The following ATP10D variants were observed in gnomAD, a reference collection of about 807,000 sequenced individuals.
The protein encoded by ATP10D is phospholipid-transporting ATPase VD.
A neutral mutation model predicts 144.8 loss-of-function variants in ATP10D; 89 were observed. That is an observed-to-expected ratio of 0.61 (90% CI 0.52 to 0.73). ATP10D has a LOEUF of 0.73. Ranked by LOEUF, ATP10D falls within the 30% of genes least tolerant of loss-of-function variation. The pLI, the probability that ATP10D is intolerant of heterozygous loss-of-function variation, is 0.00. For synonymous variants in ATP10D, 571 were observed against 615.1 expected, an observed-to-expected ratio of 0.93 and a Z score of 1.06; for missense variants, 1,603 against 1,714.8, an observed-to-expected ratio of 0.93 and a Z score of 1.15.
chr4:47,488,898 A>T (rs1392655815), intron 1 of ATP10D, among the ~76,000 whole-genome samples: 1 of 152,226 alleles, frequency 6.6e-6, no homozygotes, highest in Non-Finnish European at 1.5e-5. Flanking sequence ...GGGAGGATGC[A>T]GTGAGAAGGT....
chr4:47,505,544 T>C (rs1341064383), intron 1 of ATP10D, among the ~76,000 whole-genome samples: 1 of 152,020 alleles, frequency 6.6e-6, no homozygotes, highest in Non-Finnish European at 1.5e-5. Flanking sequence ...GCCAACATGG[T>C]GAAACCCCAT....
chr4:47,562,952 G>C (rs939507155), intron 14 of ATP10D, among the ~76,000 whole-genome samples: 1 of 152,138 alleles, frequency 6.6e-6, no homozygotes, highest in Non-Finnish European at 1.5e-5. Flanking sequence ...ATTATCTTAA[G>C]TGAAATAACC....
chr4:47,486,397 G>T (rs1714759564), intron 1 of ATP10D, among the ~76,000 whole-genome samples: 2 of 152,348 alleles, frequency 1.3e-5, no homozygotes, highest in African/African-American at 4.8e-5. Flanking sequence ...AGAAAAACAA[G>T]TCTGTATGGA....
intron 5 of ATP10D, among the ~76,000 whole-genome samples, chr4:47,526,669 T>A (rs1253611443): frequency 1.3e-5 from 2 of 152,198 alleles, no homozygotes; most frequent in Non-Finnish European, 2.9e-5. Context: ...AGTTTAGCAA[T>A]GTTGTAGAAA....
intron 3 of ATP10D, among the ~76,000 whole-genome samples, chr4:47,519,662 T>A (rs1716848614): frequency 6.6e-6 from 1 of 152,226 alleles, no homozygotes; most frequent in African/African-American, 2.4e-5. Flanking sequence ...CTGGGACTGA[T>A]GTGCTGTCTC....
At chr4:47,496,959 A>G (rs1056344673) in intron 1 of ATP10D, among the ~76,000 whole-genome samples, 2 of 152,126 alleles carry the variant, frequency 1.3e-5, no homozygotes, top group Non-Finnish European at 2.9e-5. Flanking sequence ...CTCATGCCTC[A>G]GCCTCCTGAG....
intron 15 of ATP10D, among the ~76,000 whole-genome samples, chr4:47,565,206 C>T (rs1468365159): frequency 6.6e-6 from 1 of 152,118 alleles, no homozygotes; most frequent in African/African-American, 2.4e-5. Context: ...GTGATCCGCC[C>T]GCCTCGGCCT....
intron 1 of ATP10D, among the ~76,000 whole-genome samples, chr4:47,487,399 C>T (rs1714829967): frequency 6.6e-6 from 1 of 152,050 alleles, no homozygotes; most frequent in South Asian, 2.1e-4. Context: ...AAAAAATGTA[C>T]ACATATTCAA....
chr4:47,536,889 T>G lies in ATP10D; in HGVS notation c.1347T>G (p.Val449=). The G allele has an allele frequency of 6.2e-7, 1 of 1,613,048 alleles. No homozygotes were observed. Among genetic ancestry groups the G allele is most frequent in the Non-Finnish European group, 8.5e-7 (1 of 1,179,584 alleles). The change falls in exon 9 of 23, where the codon GTT becomes GTG. Residue 449 remains valine, a synonymous_variant. Transcript: ENST00000273859. ...GAACCCTCACTGAGAATAAGATGGT[T>G]TTTCGAAGATGTAGTGTGGCAGGAT... is the stretch of plus-strand genomic sequence containing the variant. ...KTGTLTENKM[V]FRRCSVAGFD... is the part of the protein sequence containing the mutation.
chr4:47,487,466 G>A (rs1714832586), intron 1 of ATP10D, among the ~76,000 whole-genome samples: 1 of 152,080 alleles, frequency 6.6e-6, no homozygotes, highest in South Asian at 2.1e-4. Context: ...TTCTTCTAAT[G>A]AAGAAGAATC....
chr4:47,545,223 C>T (rs1718354264), intron 9 of ATP10D, among the ~76,000 whole-genome samples: 1 of 152,086 alleles, frequency 6.6e-6, no homozygotes, highest in East Asian at 1.9e-4. Flanking sequence ...GAAAGAAGGC[C>T]AGTGAGTCTG....
chr4:47,511,307 A>G (rs77172716), intron 1 of ATP10D, among the ~76,000 whole-genome samples: 14,765 of 152,096 alleles, frequency 0.097, 862 homozygotes, highest in Non-Finnish European at 0.13. Context: ...TGTTCCTATT[A>G]TTAGTATAAA....
At chr4:47,560,269 C>A (rs912193096) in intron 13 of ATP10D, 13 of 152,108 alleles carry the variant, frequency 8.5e-5, no homozygotes, top group African/African-American at 3.1e-4. Context: ...AACCTAAAGA[C>A]AAAGGAAAAT....
At chr4:47,509,272 A>G (rs559925729) in intron 1 of ATP10D, among the ~76,000 whole-genome samples, 2 of 152,320 alleles carry the variant, frequency 1.3e-5, no homozygotes, top group South Asian at 4.1e-4. Context: ...CCACTGAAAT[A>G]AAATAATTTA....
rs960028342 is a variant in ATP10D, at chr4:47,592,216, T to C, written c.*835T>C. ...GCTCAGCCTGTGGCCCATTGGGTGA[T>C]TTCCTGTATTTTAAAACTGACAGTA... On this transcript the variant is annotated 3_prime_UTR_variant, in exon 23 of 23. Coordinates refer to ENST00000273859, the MANE Select transcript of ATP10D (RefSeq NM_020453.4). 2.0e-5 allele frequency: 3 copies of C among 152,544 alleles called. No homozygotes were observed. Among genetic ancestry groups the C allele is most frequent in the Non-Finnish European group, 2.9e-5 (2 of 68,008 alleles). 9.4% of individuals were successfully genotyped at this position (152,544 alleles called of 1,614,324 possible). A position where few individuals can be genotyped will look rare whatever the true frequency, so the allele number is the denominator to read the frequency against.
intron 5 of ATP10D, among the ~76,000 whole-genome samples, chr4:47,528,384 A>G (rs1577649130): frequency 6.6e-6 from 1 of 151,714 alleles, no homozygotes; most frequent in Non-Finnish European, 1.5e-5. Context: ...ACTTAGGACA[A>G]TGGTCTCAAG....
intron 9 of ATP10D, among the ~76,000 whole-genome samples, chr4:47,540,785 A>G (rs1013542076): frequency 1.3e-5 from 2 of 152,178 alleles, no homozygotes; most frequent in African/African-American, 4.8e-5. Context: ...GATCCTAGCT[A>G]GGATGCTGCA....
At chr4:47,524,807 G>A (rs189449014) in intron 4 of ATP10D, among the ~76,000 whole-genome samples, 164 of 152,074 alleles carry the variant, frequency 1.1e-3, no homozygotes, top group Non-Finnish European at 1.9e-3. Flanking sequence ...TTAGTGCGTC[G>A]AAAGAACTCC....
At chr4:47,535,737 A>G (rs1353686727) in intron 6 of ATP10D, 122 bp downstream of exon 6, 10 of 1,325,992 alleles carry the variant, frequency 7.5e-6, no homozygotes, top group Non-Finnish European at 1.0e-5. Context: ...AAACTTAATT[A>G]TTGGTCTCTG....
Sources: allele counts gnomAD v4.1 joint callset (sites outside exome capture counted in the v4.1 genomes callset), GRCh38; gene constraint gnomAD v4.1.1; transcripts MANE v1.5; gene names NCBI Gene and HGNC (gene_info 2026-07-23, HGNC 2026-07-21).